Variants in OR52A1 observed in about 807,000 individuals in gnomAD.
OR52A1 encodes olfactory receptor 52A1.
In OR52A1, 14 loss-of-function variants were observed where a neutral mutation model predicts 14.3. That is an observed-to-expected ratio of 0.98 (90% CI 0.65 to 1.54). The LOEUF is 1.54. OR52A1 is among the 40% of genes most tolerant of loss of function. The pLI is 0.00. For synonymous variants in OR52A1, 151 were observed against 135.3 expected, an observed-to-expected ratio of 1.12 and a Z score of -0.80; for missense variants, 405 against 381.3, an observed-to-expected ratio of 1.06 and a Z score of -0.52.
rs1846515827 is a variant in OR52A1, at chr11:5,149,209, AGAC to A, written c.*2219_*2221del. Reference sequence around the variant, plus strand: ...GCTTGGGACTGATCCTGAAATTTGAAGACTACAGTAATTAAACAATATGAACTC... The same window carrying A: ...GCTTGGGACTGATCCTGAAATTTGAATACAGTAATTAAACAATATGAACTC... On this transcript the variant is annotated 3_prime_UTR_variant, in exon 2 of 2. Transcript: ENST00000380367. 2 of 152,176 alleles carry A rather than the reference AGAC, an allele frequency of 1.3e-5. No homozygotes were observed. Among genetic ancestry groups the A allele is most frequent in the Non-Finnish European group, 1.5e-5 (1 of 68,028 alleles). The allele number at this position is 152,176 out of a possible 1,614,324, so 9.4% of individuals were successfully genotyped here. A position where few individuals can be genotyped will look rare whatever the true frequency, so the allele number is the denominator to read the frequency against.
rs1290394961 is a variant in OR52A1, at chr11:5,147,002, A to AT, written c.*4428dup. ...TCAGTTTTTACTTCTTTAATTAAAT[A>AT]TTTTTTTAAAGCATTTGCACTTATG... On this transcript the variant is annotated 3_prime_UTR_variant, in exon 2 of 2. Transcript: ENST00000380367. The AT allele has an allele frequency of 6.6e-6, 1 of 152,166 alleles. No individual in the cohort carries two copies. The highest frequency in any genetic ancestry group is 1.9e-4 in the East Asian group (1 of 5,202). The allele number at this position is 152,166 out of a possible 1,614,324, so 9.4% of individuals were successfully genotyped here. A position where few individuals can be genotyped will look rare whatever the true frequency, so the allele number is the denominator to read the frequency against.
chr11:5,151,850 T>C lies in OR52A1; in HGVS notation c.520A>G (p.Thr174Ala). Residue 174 changes from threonine to alanine, a missense_variant, in exon 2 of 2, where the codon ACA becomes GCA. Physicochemically the swap from Thr to Ala is moderately conservative, Grantham distance 58. Transcript: ENST00000380367. ...LIKCRFQFYHTTVISHSYCEH... is the reference protein window; with the variant it reads ...LIKCRFQFYHATVISHSYCEH... ...CAGTAGGAGTGGGAGATGACTGTTG[T>C]GTGATAAAATTGAAACCGGCACTTT... is the stretch of plus-strand genomic sequence containing the variant. 1 of 1,614,162 alleles carries C rather than the reference T, an allele frequency of 6.2e-7. No homozygotes were observed.
chr11:5,151,454 C>A lies in OR52A1; in HGVS notation c.916G>T (p.Val306Leu). 1 of 1,610,332 alleles carries A rather than the reference C, an allele frequency of 6.2e-7. No homozygotes were observed. Among genetic ancestry groups the A allele is most frequent in the Non-Finnish European group, 8.5e-7 (1 of 1,178,368 alleles). Residue 306 changes from valine to leucine, a missense_variant, in exon 2 of 2, where the codon GTG becomes TTG. Coordinates refer to ENST00000380367, the MANE Select transcript of OR52A1 (RefSeq NM_012375.3). ...TTTTATGAACAGAACATTTTTACCA[C>A]ATGAATGCGAATCTGTGTGGTCTTT... ...GAKTTQIRIH[V>L]VKMFCS
chr11:5,153,269 G>C (rs1206898581), intron 1 of OR52A1, among the ~76,000 whole-genome samples: 1 of 152,150 alleles, frequency 6.6e-6, no homozygotes, highest in African/African-American at 2.4e-5. Flanking sequence ...CAGTTTCCTG[G>C]TTTTAAAATG....
rs922999063 is a variant in OR52A1, at chr11:5,150,062, T to C, written c.*1369A>G. On this transcript the variant is annotated 3_prime_UTR_variant, in exon 2 of 2. Transcript: ENST00000380367. ...ATATTTTCCATAACCTTGAAAAAAA[T>C]GATCTATGACCTGAGGTTTTTCAAG... The C allele has an allele frequency of 6.6e-6, 1 of 152,136 alleles. No individual in the cohort carries two copies. Among genetic ancestry groups the C allele is most frequent in the Non-Finnish European group, 1.5e-5 (1 of 68,028 alleles). The allele number at this position is 152,136 out of a possible 1,614,324, so 9.4% of individuals were successfully genotyped here. A position where few individuals can be genotyped will look rare whatever the true frequency, so the allele number is the denominator to read the frequency against.
chr11:5,149,952 G>A lies in OR52A1; in HGVS notation c.*1479C>T, dbSNP rs979706413. 2.6e-5 allele frequency: 4 copies of A among 152,092 alleles called. No homozygotes were observed. The highest frequency in any genetic ancestry group is 9.7e-5 in the African/African-American group (4 of 41,412). 9.4% of individuals were successfully genotyped at this position (152,092 alleles called of 1,614,324 possible). ...TGAAGCCAGAGGATCCACCAGGTGG[G>A]TGTATGACAAGCAATCCAATATTTC... On this transcript the variant is annotated 3_prime_UTR_variant, in exon 2 of 2. Transcript: ENST00000380367.
At position 5,149,362 on chromosome 11, in the gene OR52A1, A is replaced by G. The variant is rs916869776; in HGVS notation, c.*2069T>C. 1.3e-5 allele frequency: 2 copies of G among 152,180 alleles called. No individual in the cohort carries two copies. Among genetic ancestry groups the G allele is most frequent in the African/African-American group, 4.8e-5 (2 of 41,454 alleles). The allele number at this position is 152,180 out of a possible 1,614,324, so 9.4% of individuals were successfully genotyped here. A position where few individuals can be genotyped will look rare whatever the true frequency, so the allele number is the denominator to read the frequency against. ...TTTGGTGGTGCTGCTTAAAGTGGTC[A>G]TTGTTAAACATCCCAAACCTGGCCT... is the stretch of plus-strand genomic sequence containing the variant. On this transcript the variant is annotated 3_prime_UTR_variant, in exon 2 of 2. Transcript: ENST00000380367.
Position 5,147,778 on chromosome 11 carries a change from C to T in OR52A1, c.*3653G>A, listed in dbSNP as rs1424115477. On this transcript the variant is annotated 3_prime_UTR_variant, in exon 2 of 2. Coordinates refer to ENST00000380367, the MANE Select transcript of OR52A1 (RefSeq NM_012375.3). Reference sequence around the variant, plus strand: ...GAAATTATAAATAGATGTGGTAGGACAAAATATTACCTGTATTTTTTTTTT... The same window carrying T: ...GAAATTATAAATAGATGTGGTAGGATAAAATATTACCTGTATTTTTTTTTT... 1 of 150,324 alleles carries T rather than the reference C, an allele frequency of 6.7e-6. No homozygotes were observed. Among genetic ancestry groups the T allele is most frequent in the Non-Finnish European group, 1.5e-5 (1 of 67,660 alleles). The allele number at this position is 150,324 out of a possible 1,614,324, so 9.3% of individuals were successfully genotyped here.
In OR52A1 at chr11:5,152,412, G is replaced by A; in HGVS notation, c.-43C>T. ...TGATGCAAACAAAAGAAGTTTCTCA[G>A]TCAGTGTTACTGTTCCTCTTCTGCT... On this transcript the variant is annotated 5_prime_UTR_variant, in exon 2 of 2. Coordinates refer to ENST00000380367, the MANE Select transcript of OR52A1 (RefSeq NM_012375.3). 1 of 1,404,038 alleles carries A rather than the reference G, an allele frequency of 7.1e-7. No individual in the cohort carries two copies. The highest frequency in any genetic ancestry group is 9.8e-7 in the Non-Finnish European group (1 of 1,020,572). 87.0% of individuals were successfully genotyped at this position (1,404,038 alleles called of 1,614,324 possible). A position where few individuals can be genotyped will look rare whatever the true frequency, so the allele number is the denominator to read the frequency against.
chr11:5,152,320 A>T lies in OR52A1; in HGVS notation c.50T>A (p.Val17Glu). 1 of 1,613,690 alleles carries T rather than the reference A, an allele frequency of 6.2e-7. No homozygotes were observed. The highest frequency in any genetic ancestry group is 8.5e-7 in the Non-Finnish European group (1 of 1,179,686). ...TVYMPSVLTL[V>E]GIPGLESVQC... is the part of the protein sequence containing the mutation. ...CACAGATTCTAGGCCTGGGATCCCTACTAGTGTCAACACAGAGGGCATGTA... is the reference window on the plus strand; with the variant it reads ...CACAGATTCTAGGCCTGGGATCCCTTCTAGTGTCAACACAGAGGGCATGTA... The change falls in exon 2 of 2, where the codon GTA (valine) becomes GAA (glutamate). Residue 17 changes from valine (V) to glutamate (E), a missense_variant. Physicochemically the swap from Val to Glu is moderately radical, Grantham distance 121 (BLOSUM62 -2). Coordinates refer to ENST00000380367, the MANE Select transcript of OR52A1 (RefSeq NM_012375.3).
Position 5,151,700 on chromosome 11 carries a change from T to C in OR52A1, c.670A>G (p.Ile224Val), listed in dbSNP as rs1589865118. The change falls in exon 2 of 2, where the codon ATA (isoleucine) becomes GTA (valine). Residue 224 changes from isoleucine (I) to valine (V), a missense_variant. Coordinates refer to ENST00000380367, the MANE Select transcript of OR52A1 (RefSeq NM_012375.3). Reference protein sequence around the residue: ...LTFITLSYIQIFITVFRLPQK... With the variant: ...LTFITLSYIQVFITVFRLPQK... The stretch of plus-strand genomic sequence containing the variant: ...GGCAAACGAAAAACTGTGATAAATA[T>C]CTGGATGTAGGACAATGTGATGAAT... The C allele has an allele frequency of 6.2e-7, 1 of 1,614,148 alleles. No individual in the cohort carries two copies. Among genetic ancestry groups the C allele is most frequent in the East Asian group, 2.2e-5 (1 of 44,888 alleles).
Position 5,147,531 on chromosome 11 carries a change from C to T in OR52A1, c.*3900G>A, listed in dbSNP as rs1048980960. The T allele has an allele frequency of 3.3e-5, 5 of 152,210 alleles. No homozygotes were observed. Among genetic ancestry groups the T allele is most frequent in the Admixed American group, 3.3e-4 (5 of 15,282 alleles). The allele number at this position is 152,210 out of a possible 1,614,324, so 9.4% of individuals were successfully genotyped here. On this transcript the variant is annotated 3_prime_UTR_variant, in exon 2 of 2. Coordinates refer to ENST00000380367, the MANE Select transcript of OR52A1 (RefSeq NM_012375.3). ...TTACAACACTGGCTCTTCCCTGAGT[C>T]TCCAGCCTATAGGCTCTCCCTGCAG...
chr11:5,153,322 T>C (rs1387679669), intron 1 of OR52A1, among the ~76,000 whole-genome samples: 1 of 152,210 alleles, frequency 6.6e-6, no homozygotes, highest in African/African-American at 2.4e-5. Context: ...TAAAGGCTCA[T>C]TAGTTCTTAA....
Position 5,151,988 on chromosome 11 carries a change from T to C in OR52A1, c.382A>G (p.Ile128Val), listed in dbSNP as rs1846548977. 1 of 1,614,024 alleles carries C rather than the reference T, an allele frequency of 6.2e-7. No individual in the cohort carries two copies. The highest frequency in any genetic ancestry group is 2.2e-5 in the East Asian group (1 of 44,884). ...TTGGCATGTCTTAGTGGATAACAGA[T>C]GGCCACATAACGGTCCAGGGCCATG... ...VAMALDRYVA[I>V]CYPLRHANIF... Residue 128 changes from isoleucine to valine, a missense_variant, in exon 2 of 2, where the codon ATC (isoleucine) becomes GTC (valine). Coordinates refer to ENST00000380367, the MANE Select transcript of OR52A1 (RefSeq NM_012375.3).
At chr11:5,153,985 G>C (rs937424962) in intron 1 of OR52A1, among the ~76,000 whole-genome samples, 1 of 152,096 alleles carries the variant, frequency 6.6e-6, no homozygotes, top group Non-Finnish European at 1.5e-5. Context: ...TCATGACAGG[G>C]AGGCTGTATC....
rs1846521160 is a variant in OR52A1, at chr11:5,149,783, T to G, written c.*1648A>C. ...TATTTTATTTTTGAGAAAATTATGT[T>G]ACTTAAGAAAAACCATCCCTATTGG... On this transcript the variant is annotated 3_prime_UTR_variant, in exon 2 of 2. Transcript: ENST00000380367. 1 of 152,218 alleles carries G rather than the reference T, an allele frequency of 6.6e-6. No individual in the cohort carries two copies. The highest frequency in any genetic ancestry group is 6.5e-5 in the Admixed American group (1 of 15,276). The allele number at this position is 152,218 out of a possible 1,614,324, so 9.4% of individuals were successfully genotyped here.
rs926083870 is a variant in OR52A1, at chr11:5,147,053, T to A, written c.*4378A>T. 9.2e-5 allele frequency: 14 copies of A among 152,248 alleles called. No individual in the cohort carries two copies. Among genetic ancestry groups the A allele is most frequent in the Non-Finnish European group, 1.9e-4 (13 of 68,038 alleles). 9.4% of individuals were successfully genotyped at this position (152,248 alleles called of 1,614,324 possible). The stretch of plus-strand genomic sequence containing the variant: ...CCAGAAAAGTCTGACAGCATTCTGC[T>A]TAAGATTACTCTACATTTCTAGATT... On this transcript the variant is annotated 3_prime_UTR_variant, in exon 2 of 2. Coordinates refer to ENST00000380367, the MANE Select transcript of OR52A1 (RefSeq NM_012375.3).
rs1420262731 is a variant in OR52A1, at chr11:5,154,716, C to T, written c.-591G>A. Reference sequence around the variant, plus strand: ...TTTGTGTGCTCATCCCCCAGTAAAACTCATAGTGAGGTCTGTAGCATTCTG... The same window carrying T: ...TTTGTGTGCTCATCCCCCAGTAAAATTCATAGTGAGGTCTGTAGCATTCTG... On this transcript the variant is annotated 5_prime_UTR_variant, in exon 1 of 2. Coordinates refer to ENST00000380367, the MANE Select transcript of OR52A1 (RefSeq NM_012375.3). The T allele has an allele frequency of 6.6e-6, 1 of 152,162 alleles. No individual in the cohort carries two copies. Among genetic ancestry groups the T allele is most frequent in the African/African-American group, 2.4e-5 (1 of 41,430 alleles). The allele number at this position is 152,162 out of a possible 1,614,324, so 9.4% of individuals were successfully genotyped here.
At position 5,154,011 on chromosome 11, in the gene OR52A1, A is replaced by T. The variant is rs1041932567; in HGVS notation, c.-322+436T>A. 3.3e-5 allele frequency among the ~76,000 whole-genome samples: 5 copies of T among 152,250 alleles called. No homozygotes were observed. In the East Asian group the frequency reaches 7.7e-4, roughly 23 times the overall value. ...AGGCTGTATCAGCTAACATACATTT[A>T]CCGTAAACTAGTAGGTCAATTAAAT... On this transcript the variant is annotated intron_variant, in intron 1 of 1. Coordinates refer to ENST00000380367, the MANE Select transcript of OR52A1 (RefSeq NM_012375.3).
Sources: allele counts gnomAD v4.1 joint callset (sites outside exome capture counted in the v4.1 genomes callset), GRCh38; gene constraint gnomAD v4.1.1; transcripts MANE v1.5; gene names NCBI Gene and HGNC (gene_info 2026-07-23, HGNC 2026-07-21).